Variants in SLC8A1 observed in about 807,000 individuals in gnomAD.
The protein encoded by SLC8A1 is sodium/calcium exchanger 1.
A neutral mutation model predicts 68.3 loss-of-function variants in SLC8A1; 18 were observed. The observed-to-expected ratio is 0.26, with a 90% CI of 0.18 to 0.39. The LOEUF (loss-of-function observed/expected upper bound fraction) is 0.39. Ranked by LOEUF, SLC8A1 falls within the 10% of genes least tolerant of loss-of-function variation. The pLI is 1.00. For missense variants in SLC8A1, 985 were observed against 1,156.7 expected (o/e 0.85, Z 2.15); for synonymous variants, 475 against 415.5 (o/e 1.14, Z -1.74).
At chr2:40,471,732 T>C (rs1703999728) in intron 1 of SLC8A1, among the ~76,000 whole-genome samples, 1 of 152,178 alleles carries the variant, frequency 6.6e-6, no homozygotes, top group East Asian at 1.9e-4. Flanking sequence ...ATTAATGCAA[T>C]TGCAATAAAT....
At chr2:40,132,586 C>A (rs559535807) in intron 7 of SLC8A1, among the ~76,000 whole-genome samples, 1 of 151,586 alleles carries the variant, frequency 6.6e-6, no homozygotes, top group Non-Finnish European at 1.5e-5. Context: ...AAGTATTCTA[C>A]AGAATATCTT....
intron 2 of SLC8A1, among the ~76,000 whole-genome samples, chr2:40,387,701 G>T (rs970018942): frequency 2.7e-5 from 4 of 148,232 alleles, no homozygotes; most frequent in African/African-American, 1.1e-4. Context: ...ACATTGAGAA[G>T]CCTAGCGGGG....
At chr2:40,397,069 C>T (rs541738475) in intron 2 of SLC8A1, among the ~76,000 whole-genome samples, 73 of 152,148 alleles carry the variant, frequency 4.8e-4, no homozygotes, top group South Asian at 2.9e-3. Context: ...AGAGTGGATC[C>T]GTGGATCAGT....
At chr2:40,464,539 A>G (rs533926536) in intron 1 of SLC8A1, among the ~76,000 whole-genome samples, 21 of 152,330 alleles carry the variant, frequency 1.4e-4, no homozygotes, top group African/African-American at 4.1e-4. Context: ...TAAGAAGGGG[A>G]GACTGGCATC....
chr2:40,429,395 C>G lies in SLC8A1; in HGVS notation c.886G>C (p.Val296Leu), dbSNP rs374480526. The G allele has an allele frequency of 8.7e-6, 14 of 1,613,756 alleles. No individual in the cohort carries two copies. In the African/African-American group the frequency reaches 1.6e-4, roughly 18 times the overall value. The stretch of plus-strand genomic sequence containing the variant: ...AAGAAATTTTCAACATGAGAATTGA[C>G]CACTTTCCCGTCCATTTCAATTTCA... The change falls in exon 2 of 8, where the codon GTC becomes CTC. Residue 296 changes from valine (V) to leucine (L), a missense_variant. By Grantham distance (32) the Val-to-Leu change is conservative. Around this residue, in one of 5 missense-constraint regions of SLC8A1, gnomAD observed 584 missense variants for 565.9 expected, o/e 1.03. Transcript: ENST00000406785.
intron 2 of SLC8A1, among the ~76,000 whole-genome samples, chr2:40,247,354 A>G (rs936735549): frequency 2.6e-5 from 4 of 152,110 alleles, no homozygotes; most frequent in African/African-American, 4.8e-5. Flanking sequence ...GTTTTATTTC[A>G]CTTGCCACGT....
chr2:40,425,854 G>C (rs551069186), intron 2 of SLC8A1, among the ~76,000 whole-genome samples: 132 of 151,974 alleles, frequency 8.7e-4, no homozygotes, highest in African/African-American at 3.1e-3. Flanking sequence ...AACTCCATTT[G>C]ACCCAGCAAT....
intron 2 of SLC8A1, among the ~76,000 whole-genome samples, chr2:40,215,643 CAAAAAAAAAAAAA>C (rs56191722): frequency 9.3e-4 from 65 of 69,924 alleles, no homozygotes; most frequent in African/African-American, 3.5e-3. Flanking sequence ...GACTCCGTCT[CAAAAAAAAAAAAA>C]AAAAAAAAAA....
intron 2 of SLC8A1, among the ~76,000 whole-genome samples, chr2:40,357,497 T>TA (rs71406059): frequency 0.031 from 3,609 of 115,432 alleles, 186 homozygotes; most frequent in African/African-American, 0.1. Context: ...ACCCTGTCTT[T>TA]AAAAAAAAAA....
intron 2 of SLC8A1, among the ~76,000 whole-genome samples, chr2:40,284,207 CTA>C (rs1425161388): frequency 2.0e-5 from 3 of 151,340 alleles, no homozygotes; most frequent in Admixed American, 6.6e-5. Context: ...CAATATATCT[CTA>C]TAAGTTGTTT....
chr2:40,191,906 G>T (rs1469528573), intron 2 of SLC8A1, among the ~76,000 whole-genome samples: 3 of 152,086 alleles, frequency 2.0e-5, no homozygotes, highest in African/African-American at 4.8e-5. Flanking sequence ...TGTAAATTTT[G>T]TAGGAAGTCT....
intron 2 of SLC8A1, chr2:40,213,027 A>G (rs959533572): frequency 3.3e-5 from 5 of 152,194 alleles, no homozygotes; most frequent in Admixed American, 6.5e-5. Context: ...CTGCAGATCA[A>G]TACTGACCAG....
exon 8 of SLC8A1, chr2:40,109,804 A>C (rs1244706511): frequency 1.3e-5 from 2 of 152,202 alleles, no homozygotes; most frequent in African/African-American, 4.8e-5. Context: ...ATTCTAAAAA[A>C]TGTGAACCAC....
intron 2 of SLC8A1, among the ~76,000 whole-genome samples, chr2:40,390,282 G>A (rs1684865223): frequency 6.6e-6 from 1 of 152,100 alleles, no homozygotes; most frequent in Non-Finnish European, 1.5e-5. Flanking sequence ...TTGTCACTTG[G>A]CTTGGAATCA....
At chr2:40,400,287 C>A (rs1688320899) in intron 2 of SLC8A1, among the ~76,000 whole-genome samples, 2 of 152,118 alleles carry the variant, frequency 1.3e-5, no homozygotes, top group African/African-American at 2.4e-5. Context: ...TCATTCATCA[C>A]TACATTTATT....
exon 8 of SLC8A1, chr2:40,100,655 G>C (rs1015924259): frequency 6.6e-6 from 1 of 152,154 alleles, no homozygotes; most frequent in Non-Finnish European, 1.5e-5. Context: ...CTGTGATTTC[G>C]TTAGAGCTAT....
At chr2:40,393,148 A>G (rs1009600531) in intron 2 of SLC8A1, among the ~76,000 whole-genome samples, 1 of 152,162 alleles carries the variant, frequency 6.6e-6, no homozygotes, top group Non-Finnish European at 1.5e-5. Context: ...GAGTTATAAC[A>G]TGTCAAGAAC....
intron 2 of SLC8A1, among the ~76,000 whole-genome samples, chr2:40,427,128 A>C (rs1364254472): frequency 6.6e-6 from 1 of 152,088 alleles, no homozygotes; most frequent in Non-Finnish European, 1.5e-5. Flanking sequence ...GAAGATGGAT[A>C]TTATAATCCC....
intron 2 of SLC8A1, among the ~76,000 whole-genome samples, chr2:40,401,140 G>C (rs1237185295): frequency 6.6e-6 from 1 of 152,196 alleles, no homozygotes; most frequent in Non-Finnish European, 1.5e-5. Flanking sequence ...CTGATTGCAA[G>C]TCTTCTTATA....
Sources: allele counts gnomAD v4.1 joint callset (sites outside exome capture counted in the v4.1 genomes callset), GRCh38; gene constraint gnomAD v4.1.1; regional missense constraint gnomAD v4.1.1; transcripts MANE v1.5; gene names NCBI Gene and HGNC (gene_info 2026-07-23, HGNC 2026-07-21).